GALNT5: variants seen among roughly 807,000 people sequenced by gnomAD.
GALNT5 encodes the protein polypeptide N-acetylgalactosaminyltransferase 5.
In GALNT5, 72 loss-of-function variants were observed where a neutral mutation model predicts 85.4. The observed-to-expected ratio is 0.84, with a 90% CI of 0.70 to 1.03. GALNT5 has a LOEUF of 1.03. Among genes scored for constraint, GALNT5 ranks in the 50% least tolerant of loss-of-function variants. The probability of loss-of-function intolerance (pLI) is 0.00; values close to 1 mark genes in which losing one functional copy is unlikely to be tolerated. For synonymous variants in GALNT5, 404 were observed against 397.0 expected (o/e 1.02, Z -0.21); for missense variants, 1,137 against 1,135.5 (o/e 1.00, Z -0.02).
chr2:157,294,598 C>T (rs1683169838), intron 3 of GALNT5, among the ~76,000 whole-genome samples: 1 of 152,084 alleles, frequency 6.6e-6, no homozygotes, highest in Admixed American at 6.6e-5. Context: ...ACCGCAACTC[C>T]CTTTAGAGAC....
In GALNT5 at chr2:157,317,834, T is replaced by G. The variant is rs1475942508; in HGVS notation, c.*6486T>G. 4.6e-5 allele frequency among the ~76,000 whole-genome samples: 7 copies of G among 152,108 alleles called. No homozygotes were observed. Among genetic ancestry groups the G allele is most frequent in the African/African-American group, 1.7e-4 (7 of 41,444 alleles). On this transcript the variant is annotated 3_prime_UTR_variant, in exon 10 of 10. Coordinates refer to ENST00000259056, the MANE Select transcript of GALNT5 (RefSeq NM_014568.3). ...AGCTGCTTACTACTACCCATGTCAT[T>G]GTGTTTGTATTGATTGCCTGGCTCA...
intron 7 of GALNT5, among the ~76,000 whole-genome samples, chr2:157,303,816 A>G (rs1008283603): frequency 2.0e-5 from 3 of 152,250 alleles, no homozygotes; most frequent in Admixed American, 2.0e-4. Context: ...TGGAAGGATT[A>G]TACAAAATAG....
At position 157,312,156 on chromosome 2, in the gene GALNT5, A is replaced by G. The variant is rs1003817136; in HGVS notation, c.*808A>G. ...AAAAGGCTGGATTATAACACACTGT[A>G]GTAATCAAAAATGCATTTAAGCATT... On this transcript the variant is annotated 3_prime_UTR_variant, in exon 10 of 10. Transcript: ENST00000259056. The G allele has an allele frequency of 1.3e-5, 2 of 152,200 alleles. No homozygotes were observed. The highest frequency in any genetic ancestry group is 2.1e-4 in the South Asian group (1 of 4,832). The allele number at this position is 152,200 out of a possible 1,614,324, so 9.4% of individuals were successfully genotyped here. A position where few individuals can be genotyped will look rare whatever the true frequency, so the allele number is the denominator to read the frequency against.
intron 1 of GALNT5, among the ~76,000 whole-genome samples, chr2:157,278,625 T>C (rs1296241470): frequency 1.3e-5 from 2 of 152,238 alleles, no homozygotes; most frequent in Non-Finnish European, 2.9e-5. Context: ...AGCTTGTGCA[T>C]GCATCACGAA....
At chr2:157,276,385 T>C (rs962561070) in intron 1 of GALNT5, among the ~76,000 whole-genome samples, 2 of 152,226 alleles carry the variant, frequency 1.3e-5, no homozygotes, top group African/African-American at 2.4e-5. Context: ...ATTGGAATAG[T>C]TTCAGAAGGA....
At chr2:157,260,588 A>G (rs1382870094) in intron 1 of GALNT5, among the ~76,000 whole-genome samples, 2 of 152,200 alleles carry the variant, frequency 1.3e-5, no homozygotes, top group Non-Finnish European at 2.9e-5. Context: ...AGGAAGTTGG[A>G]TTGGGGAATG....
chr2:157,295,589 T>C (rs777476983), intron 3 of GALNT5, 74 bp from the exon 4 acceptor site: 33 of 1,181,206 alleles, frequency 2.8e-5, no homozygotes, highest in Non-Finnish European at 3.6e-5. Context: ...CAATCATCAA[T>C]ACCTTTGAAC....
intron 7 of GALNT5, chr2:157,302,738 A>C (rs998511893): frequency 6.6e-6 from 1 of 152,190 alleles, no homozygotes; most frequent in Non-Finnish European, 1.5e-5. Flanking sequence ...AGTTCCTATG[A>C]AATTTCTGGA....
In GALNT5 at chr2:157,312,851, T is replaced by C. The variant is rs1167204857; in HGVS notation, c.*1503T>C. 6.6e-6 allele frequency: 1 copy of C among 152,146 alleles called. No homozygotes were observed. Among genetic ancestry groups the C allele is most frequent in the Non-Finnish European group, 1.5e-5 (1 of 68,020 alleles). 9.4% of individuals were successfully genotyped at this position (152,146 alleles called of 1,614,324 possible). The stretch of plus-strand genomic sequence containing the variant: ...GGATTGGGTCCCTGGAGGACAACCA[T>C]ACTATATTCTTGTTAATATGTTTTT... On this transcript the variant is annotated 3_prime_UTR_variant, in exon 10 of 10. Coordinates refer to ENST00000259056, the MANE Select transcript of GALNT5 (RefSeq NM_014568.3).
intron 1 of GALNT5, among the ~76,000 whole-genome samples, chr2:157,273,379 T>G (rs890285371): frequency 6.6e-6 from 1 of 152,156 alleles, no homozygotes; most frequent in South Asian, 2.1e-4. Flanking sequence ...ATTTATATTC[T>G]TTCTTCTTTT....
Position 157,314,603 on chromosome 2 carries a change from G to A in GALNT5, c.*3255G>A, listed in dbSNP as rs1056595764. Among the ~76,000 whole-genome samples the A allele has an allele frequency of 1.3e-5, 2 of 152,116 alleles. No individual in the cohort carries two copies. Among genetic ancestry groups the A allele is most frequent in the African/African-American group, 4.8e-5 (2 of 41,410 alleles). ...AGTATTAGTTTGGGACTGCAGAGGG[G>A]CAAAGATACCATTTACAGTATATAG... On this transcript the variant is annotated 3_prime_UTR_variant, in exon 10 of 10. Coordinates refer to ENST00000259056, the MANE Select transcript of GALNT5 (RefSeq NM_014568.3).
At position 157,300,746 on chromosome 2, in the gene GALNT5, A is replaced by G. The variant is rs754772879; in HGVS notation, c.2186A>G (p.Asn729Ser). 15 of 1,613,918 alleles carry G rather than the reference A, an allele frequency of 9.3e-6. No homozygotes were observed. The highest frequency in any genetic ancestry group is 1.3e-5 in the Non-Finnish European group (15 of 1,179,948). The change falls in exon 7 of 10, where the codon AAT becomes AGT. Residue 729 changes from asparagine (N) to serine (S), a missense_variant. Transcript: ENST00000259056. ...GTGGGCCATATATTCAGAAATGACAATCCATATTCCTTCCCCAAAGACCGG... is the reference window on the plus strand; with the variant it reads ...GTGGGCCATATATTCAGAAATGACAGTCCATATTCCTTCCCCAAAGACCGG... ...SRVGHIFRND[N>S]PYSFPKDRMK...
At chr2:157,287,146 A>C (rs1292259173) in intron 3 of GALNT5, among the ~76,000 whole-genome samples, 2 of 152,188 alleles carry the variant, frequency 1.3e-5, no homozygotes, top group Non-Finnish European at 2.9e-5. Flanking sequence ...TTGTTAGTTA[A>C]GATGTTGACA....
intron 8 of GALNT5, 83 bp from the exon 9 acceptor site, chr2:157,308,484 A>G (rs531088080): frequency 1.0e-6 from 1 of 979,656 alleles, no homozygotes; most frequent in African/African-American, 1.6e-5. Flanking sequence ...CTATATTCTT[A>G]ACTGTTGCTA....
chr2:157,271,590 G>A (rs1682585644), intron 1 of GALNT5, among the ~76,000 whole-genome samples: 1 of 152,164 alleles, frequency 6.6e-6, no homozygotes, highest in South Asian at 2.1e-4. Context: ...TTGATGGATT[G>A]ATTGTATTTA....
rs1290855634 is a variant in GALNT5, at chr2:157,317,200, T to TATATATATA, written c.*5852_*5853insATATATATA. On this transcript the variant is annotated 3_prime_UTR_variant, in exon 10 of 10. Coordinates refer to ENST00000259056, the MANE Select transcript of GALNT5 (RefSeq NM_014568.3). ...TATATATATATATATATATATATAT[T>TATATATATA]TTTTTTTTTGATGCTTTGATCTGGA... Among the ~76,000 whole-genome samples, 6 of 128,408 alleles carry TATATATATA rather than the reference T, an allele frequency of 4.7e-5. No individual in the cohort carries two copies. Among genetic ancestry groups the TATATATATA allele is most frequent in the African/African-American group, 1.7e-4 (6 of 34,466 alleles). The allele number at this position is 128,408 out of a possible 152,430, so 84.2% of individuals were successfully genotyped here.
intron 3 of GALNT5, among the ~76,000 whole-genome samples, chr2:157,294,588 A>T (rs1001604961): frequency 2.0e-5 from 3 of 152,100 alleles, no homozygotes; most frequent in African/African-American, 7.2e-5. Context: ...TGAGACCTGG[A>T]CCGCAACTCC....
Position 157,308,713 on chromosome 2 carries a change from C to T in GALNT5, c.2667C>T (p.Val889=), listed in dbSNP as rs80035578. The T allele has an allele frequency of 7.3e-5, 118 of 1,612,272 alleles. No individual in the cohort carries two copies. The highest frequency in any genetic ancestry group is 9.8e-5 in the Non-Finnish European group (115 of 1,179,350). ...AATGGCTGCATAAATCAACATCAGT[C>T]TTTCATCCAGAACTGGTAAGCAAAA... is the stretch of plus-strand genomic sequence containing the variant. ...GLKWLHKSTS[V]FHPELVNHIV... is the part of the protein sequence containing the mutation. Residue 889 remains valine, a synonymous_variant, in exon 9 of 10, where the codon GTC becomes GTT. Transcript: ENST00000259056.
At chr2:157,267,891 C>T (rs1435471497) in intron 1 of GALNT5, among the ~76,000 whole-genome samples, 2 of 152,144 alleles carry the variant, frequency 1.3e-5, no homozygotes, top group Admixed American at 1.3e-4. Context: ...CATGAAAATA[C>T]AGTTTTTATA....
Sources: gnomAD v4.1 joint callset for allele counts (sites outside exome capture counted in the v4.1 genomes callset) on GRCh38, gnomAD v4.1.1 for gene constraint, MANE v1.5 for transcripts, NCBI Gene and HGNC (gene_info 2026-07-23, HGNC 2026-07-21) for gene names.